TRDN: variants seen among roughly 807,000 people sequenced by gnomAD.
TRDN encodes triadin in skeletal muscle.
In TRDN, 161 loss-of-function variants were observed where a neutral mutation model predicts 149.7. That is an observed-to-expected ratio of 1.08 (90% CI 0.95 to 1.23). The LOEUF is 1.23. Among genes scored for constraint, TRDN ranks in the 50% most tolerant of loss-of-function variants. The pLI is 0.00. For synonymous variants in TRDN, 294 were observed against 250.5 expected, an observed-to-expected ratio of 1.17 and a Z score of -1.64; for missense variants, 896 against 823.5, an observed-to-expected ratio of 1.09 and a Z score of -1.08.
intron 10 of TRDN, chr6:123,457,432 A>G: frequency 2.9e-6 from 1 of 340,690 alleles, no homozygotes; most frequent in East Asian, 7.7e-5. Context: ...AATAATCAAT[A>G]ACAGGAAATC....
intron 12 of TRDN, among the ~76,000 whole-genome samples, chr6:123,433,770 C>T (rs1774438676): frequency 6.6e-6 from 1 of 152,018 alleles, no homozygotes; most frequent in African/African-American, 2.4e-5. Context: ...AATTTAACTC[C>T]TAAAAGTTTA....
intron 38 of TRDN, among the ~76,000 whole-genome samples, chr6:123,226,472 A>G (rs1198368037): frequency 1.3e-5 from 2 of 151,854 alleles, no homozygotes; most frequent in African/African-American, 4.8e-5. Flanking sequence ...CCACTAGAAA[A>G]ATAAATACAA....
At chr6:123,582,500 G>A (rs545819854) in intron 1 of TRDN, among the ~76,000 whole-genome samples, 14 of 137,330 alleles carry the variant, frequency 1.0e-4, no homozygotes, top group Non-Finnish European at 1.6e-4. Flanking sequence ...AAAAAGGGGG[G>A]TTGTTCTCTG....
chr6:123,329,474 C>T (rs1400373305), intron 23 of TRDN, among the ~76,000 whole-genome samples: 1 of 151,898 alleles, frequency 6.6e-6, no homozygotes, highest in East Asian at 1.9e-4. Flanking sequence ...GTGACTGTTC[C>T]AATATGTGTG....
intron 1 of TRDN, among the ~76,000 whole-genome samples, chr6:123,611,991 A>G (rs919669972): frequency 2.0e-5 from 3 of 152,030 alleles, no homozygotes; most frequent in African/African-American, 7.2e-5. Flanking sequence ...CTTGGTTCAA[A>G]CCTTTCAACT....
intron 2 of TRDN, among the ~76,000 whole-genome samples, chr6:123,549,686 G>T (rs996282069): frequency 2.6e-5 from 4 of 152,050 alleles, no homozygotes; most frequent in African/African-American, 9.7e-5. Flanking sequence ...AAGTTTGAAA[G>T]GGTGCCAGGC....
intron 38 of TRDN, among the ~76,000 whole-genome samples, chr6:123,237,921 A>G (rs1775849097): frequency 6.6e-6 from 1 of 152,182 alleles, no homozygotes; most frequent in South Asian, 2.1e-4. Context: ...GGAAGAAATG[A>G]CAATTAAATT....
chr6:123,442,162 G>C (rs1323595759), intron 10 of TRDN: 1 of 152,342 alleles, frequency 6.6e-6, no homozygotes, highest in African/African-American at 2.4e-5. Flanking sequence ...TGGCACTGAT[G>C]ACCTTGGGCT....
rs1773697726 is a variant in TRDN at position 123,417,311 on chromosome 6, A to T, written c.1051+20752T>A. On this transcript the variant is annotated intron_variant, in intron 12 of 40. Coordinates refer to ENST00000334268, the MANE Select transcript of TRDN (RefSeq NM_006073.4). ...TTATTGGCCTAAAATCCTACAATAT[A>T]AAATTTTTTGATCCCTATTACCAAA... 2.0e-5 allele frequency among the ~76,000 whole-genome samples: 3 copies of T among 148,160 alleles called. No individual in the cohort carries two copies. In the South Asian group the frequency reaches 6.3e-4, roughly 31 times the overall value.
intron 24 of TRDN, among the ~76,000 whole-genome samples, chr6:123,287,524 G>C (rs2114643691): frequency 6.6e-6 from 1 of 152,100 alleles, no homozygotes; most frequent in African/African-American, 2.4e-5. Context: ...TAACACAAAG[G>C]AATGGCTGTT....
chr6:123,625,190 G>A (rs558752155), intron 1 of TRDN, among the ~76,000 whole-genome samples: 3 of 151,934 alleles, frequency 2.0e-5, no homozygotes, highest in South Asian at 4.2e-4. Context: ...TTAAGAATAG[G>A]ACATTCTTTA....
chr6:123,514,717 A>G (rs1366332179), intron 6 of TRDN, among the ~76,000 whole-genome samples: 1 of 151,990 alleles, frequency 6.6e-6, no homozygotes, highest in Non-Finnish European at 1.5e-5. Context: ...TGATATATAC[A>G]TTGCTAAAAA....
intron 12 of TRDN, among the ~76,000 whole-genome samples, chr6:123,426,421 G>A (rs1344874897): frequency 1.3e-5 from 2 of 152,094 alleles, no homozygotes; most frequent in African/African-American, 4.8e-5. Context: ...TTTCACAAAC[G>A]TCCACTGAGC....
intron 38 of TRDN, among the ~76,000 whole-genome samples, chr6:123,249,600 T>TA (rs1402592152): frequency 2.0e-5 from 3 of 152,098 alleles, no homozygotes; most frequent in Non-Finnish European, 4.4e-5. Flanking sequence ...TATGAAGCCA[T>TA]AAAAAACAGT....
At chr6:123,334,649 G>A (rs1779795282) in intron 22 of TRDN, among the ~76,000 whole-genome samples, 1 of 152,010 alleles carries the variant, frequency 6.6e-6, no homozygotes, top group Non-Finnish European at 1.5e-5. Flanking sequence ...ACTGGTCCAG[G>A]AAAGTCAATA....
Position 123,217,371 on chromosome 6 carries a change from G to A in TRDN, c.*1230C>T, listed in dbSNP as rs1024624262. On this transcript the variant is annotated 3_prime_UTR_variant, in exon 41 of 41. Transcript: ENST00000334268. The stretch of plus-strand genomic sequence containing the variant: ...CTGATGGTAATTACAATGCTAGAAA[G>A]GATAACTCAATTTATTTCCTGAGTT... 1 of 151,824 alleles carries A rather than the reference G, an allele frequency of 6.6e-6. No homozygotes were observed. The highest frequency in any genetic ancestry group is 2.4e-5 in the African/African-American group (1 of 41,382). The allele number at this position is 151,824 out of a possible 1,614,324, so 9.4% of individuals were successfully genotyped here. A position where few individuals can be genotyped will look rare whatever the true frequency, so the allele number is the denominator to read the frequency against.
intron 8 of TRDN, among the ~76,000 whole-genome samples, chr6:123,497,783 C>T (rs1037802791): frequency 4.6e-5 from 7 of 152,100 alleles, no homozygotes; most frequent in Non-Finnish European, 1.0e-4. Context: ...AATAAAAATG[C>T]TCTTTAATTG....
At chr6:123,254,936 T>C (rs1776502830) in intron 37 of TRDN, 145 bp downstream of exon 37, 1 of 600,254 alleles carries the variant, frequency 1.7e-6, no homozygotes, top group Non-Finnish European at 3.1e-6. Flanking sequence ...CTGCTAGATT[T>C]TCTACCTGTC....
intron 32 of TRDN, among the ~76,000 whole-genome samples, chr6:123,266,103 T>A (rs1394854657): frequency 3.1e-5 from 4 of 127,464 alleles, no homozygotes; most frequent in Non-Finnish European, 6.3e-5. Flanking sequence ...ATATATTATA[T>A]ATCATATGTA....
Sources: gnomAD v4.1 joint callset for allele counts (sites outside exome capture counted in the v4.1 genomes callset) on GRCh38, gnomAD v4.1.1 for gene constraint, MANE v1.5 for transcripts, NCBI Gene and HGNC (gene_info 2026-07-23, HGNC 2026-07-21) for gene names.